GPC5: variants seen among roughly 807,000 people sequenced by gnomAD.
GPC5 encodes glypican 5, also known as glypican-5.
Under a neutral mutation model 53.9 loss-of-function variants are expected in GPC5, and 47 were observed. The observed-to-expected ratio is 0.87, with a 90% CI of 0.69 to 1.11. The LOEUF is 1.11. GPC5 is among the 50% of genes most tolerant of loss of function. The pLI is 0.00. For missense variants in GPC5, 748 were observed against 713.1 expected, an observed-to-expected ratio of 1.05 and a Z score of -0.56; for synonymous variants, 286 against 263.3, an observed-to-expected ratio of 1.09 and a Z score of -0.84.
intron 7 of GPC5, among the ~76,000 whole-genome samples, chr13:92,586,065 T>C (rs926762900): frequency 3.3e-5 from 5 of 152,190 alleles, no homozygotes; most frequent in Non-Finnish European, 5.9e-5. Context: ...ATGCTAATAT[T>C]TGGTAATGGG....
At chr13:92,503,285 T>C (rs946854576) in intron 7 of GPC5, among the ~76,000 whole-genome samples, 15 of 151,926 alleles carry the variant, frequency 9.9e-5, no homozygotes, top group African/African-American at 3.6e-4. Context: ...AGTAGCATAC[T>C]TTTTAACAAT....
rs145383759 is a variant in GPC5 at position 92,692,805 on chromosome 13, T to C, written c.1562-173477T>C. Among the ~76,000 whole-genome samples the C allele has an allele frequency of 2.6e-3, 353 of 134,396 alleles. 17 individuals are homozygous for C. The East Asian group carries it at 0.078, about 30-fold the overall frequency. 88.2% of individuals were successfully genotyped at this position (134,396 alleles called of 152,430 possible). A position where few individuals can be genotyped will look rare whatever the true frequency, so the allele number is the denominator to read the frequency against. ...TTTTACCAAAAGCCACTCTGACTGGTGGAGGATATCTCACTGTGGTTTGGA... is the reference window on the plus strand; with the variant it reads ...TTTTACCAAAAGCCACTCTGACTGGCGGAGGATATCTCACTGTGGTTTGGA... On this transcript the variant is annotated intron_variant, in intron 7 of 7. Transcript: ENST00000377067.
chr13:92,410,067 C>T (rs1443011095), intron 7 of GPC5, among the ~76,000 whole-genome samples: 4 of 152,110 alleles, frequency 2.6e-5, no homozygotes, highest in African/African-American at 9.7e-5. Context: ...CGCAATGATT[C>T]ATGTATTACT....
chr13:91,939,369 G>A (rs2039903458), intron 6 of GPC5, among the ~76,000 whole-genome samples: 1 of 152,116 alleles, frequency 6.6e-6, no homozygotes, highest in African/African-American at 2.4e-5. Flanking sequence ...TACTTACTCT[G>A]AGAGTATTAG....
chr13:92,176,750 C>T (rs1439801436), intron 7 of GPC5, among the ~76,000 whole-genome samples: 6 of 152,162 alleles, frequency 3.9e-5, no homozygotes, highest in Admixed American at 6.5e-5. Flanking sequence ...TCAACGGCCA[C>T]ATCCAAGCAC....
At chr13:92,497,242 T>C (rs1486826976) in intron 7 of GPC5, among the ~76,000 whole-genome samples, 1 of 152,196 alleles carries the variant, frequency 6.6e-6, no homozygotes, top group Non-Finnish European at 1.5e-5. Context: ...CTTGGGGTTA[T>C]ACATTTTAAG....
chr13:92,474,936 T>G (rs141336203), intron 7 of GPC5, among the ~76,000 whole-genome samples: 71 of 152,274 alleles, frequency 4.7e-4, no homozygotes, highest in Admixed American at 1.3e-3. Context: ...AGTTATATTC[T>G]GTCCTTAGAT....
At chr13:92,242,538 AT>A (rs1165001688) in intron 7 of GPC5, among the ~76,000 whole-genome samples, 1 of 152,038 alleles carries the variant, frequency 6.6e-6, no homozygotes, top group African/African-American at 2.4e-5. Flanking sequence ...TTCAAGGTTC[AT>A]TTTTTATATA....
At chr13:91,803,471 G>A (rs1424429560) in intron 5 of GPC5, among the ~76,000 whole-genome samples, 1 of 152,004 alleles carries the variant, frequency 6.6e-6, no homozygotes, top group Non-Finnish European at 1.5e-5. Flanking sequence ...TCATACGTAT[G>A]TATGTGTGTA....
chr13:91,773,189 A>G lies in GPC5; in HGVS notation c.1280+16769A>G, dbSNP rs146735578. ...TATTGCATATTTCTGGAAGAAAAGC[A>G]TTGATCACATCCTCCTTAGATATTT... On this transcript the variant is annotated intron_variant, in intron 5 of 7. Coordinates refer to ENST00000377067, the MANE Select transcript of GPC5 (RefSeq NM_004466.6). Among the ~76,000 whole-genome samples, 238 of 152,322 alleles carry G rather than the reference A, an allele frequency of 1.6e-3. 3 individuals carry two copies. Among genetic ancestry groups the G allele is most frequent in the African/African-American group, 5.4e-3 (225 of 41,592 alleles).
chr13:92,534,779 G>A (rs1436344209), intron 7 of GPC5, among the ~76,000 whole-genome samples: 2 of 152,096 alleles, frequency 1.3e-5, no homozygotes, highest in South Asian at 2.1e-4. Context: ...AAAGGATTAT[G>A]TATTAAGATA....
chr13:91,526,757 AT>A, intron 2 of GPC5, among the ~76,000 whole-genome samples: 1 of 152,264 alleles, frequency 6.6e-6, no homozygotes. Flanking sequence ...AAGAAAAGAG[AT>A]GTAATTGACT....
intron 7 of GPC5, among the ~76,000 whole-genome samples, chr13:92,304,562 A>G (rs2043098317): frequency 7.7e-6 from 1 of 130,606 alleles, no homozygotes; most frequent in East Asian, 2.2e-4. Context: ...ACTAATAAAT[A>G]GGGATATCAT....
At chr13:91,598,692 G>A (rs953475692) in intron 2 of GPC5, among the ~76,000 whole-genome samples, 1 of 151,824 alleles carries the variant, frequency 6.6e-6, no homozygotes, top group Admixed American at 6.6e-5. Context: ...TTTTCTAAAT[G>A]TCATATGACC....
At chr13:92,799,504 G>A (rs1236511933) in intron 7 of GPC5, among the ~76,000 whole-genome samples, 2 of 151,704 alleles carry the variant, frequency 1.3e-5, no homozygotes, top group South Asian at 4.1e-4. Context: ...ATTTACATGG[G>A]AACAAGAGGA....
At chr13:92,063,448 G>T (rs7988216) in intron 6 of GPC5, among the ~76,000 whole-genome samples, 84,681 of 151,782 alleles carry the variant, frequency 0.56, 23,941 homozygotes, top group East Asian at 0.79. Context: ...ACTGAGAATG[G>T]TATGGTAAGG....
chr13:92,485,226 A>G (rs1879509433), intron 7 of GPC5, among the ~76,000 whole-genome samples: 1 of 152,308 alleles, frequency 6.6e-6, no homozygotes, highest in East Asian at 1.9e-4. Context: ...TTTTTATGCA[A>G]TATATTTTCT....
At chr13:91,571,833 A>ACGTATACGTGTGTGTATATACACACACG (rs760181408) in intron 2 of GPC5, among the ~76,000 whole-genome samples, 1 of 87,222 alleles carries the variant, frequency 1.1e-5, no homozygotes, top group Non-Finnish European at 2.1e-5. Context: ...ATATATACAC[A>ACGTATACGTGTGTGTATATACACACACG]TATACTTGTG....
At chr13:91,574,676 G>T (rs984520195) in intron 2 of GPC5, among the ~76,000 whole-genome samples, 1 of 152,000 alleles carries the variant, frequency 6.6e-6, no homozygotes, top group Non-Finnish European at 1.5e-5. Flanking sequence ...GTACTGAGGT[G>T]GTCATCACTT....
Sources: allele counts gnomAD v4.1 joint callset (sites outside exome capture counted in the v4.1 genomes callset), GRCh38; gene constraint gnomAD v4.1.1; transcripts MANE v1.5; gene names NCBI Gene and HGNC (gene_info 2026-07-23, HGNC 2026-07-21).